Variants in RPE observed in about 807,000 individuals in gnomAD.
RPE encodes ribulose-phosphate 3-epimerase.
Under a neutral mutation model 24.6 loss-of-function variants are expected in RPE, and 16 were observed. That is an observed-to-expected ratio of 0.65 (90% CI 0.44 to 0.99). The LOEUF is 0.99. RPE is among the 50% of genes least tolerant of loss of function. The pLI is 0.00. For missense variants in RPE, 240 were observed against 294.5 expected (o/e 0.81, Z 1.35); for synonymous variants, 93 against 98.4 (o/e 0.94, Z 0.33).
At chr2:210,003,190 C>T (rs1044736089) in intron 1 of RPE, among the ~76,000 whole-genome samples, 31 of 152,324 alleles carry the variant, frequency 2.0e-4, no homozygotes, top group African/African-American at 7.2e-4. Flanking sequence ...TTTAAGTTGG[C>T]ACCTGCGGTT....
At chr2:210,019,536 C>G in intron 5 of RPE, 133 bp from the exon 6 acceptor site, 1 of 1,076,922 alleles carries the variant, frequency 9.3e-7, no homozygotes, top group Non-Finnish European at 1.3e-6. Context: ...CTTAAGTCTG[C>G]TTAATCTCAA....
intron 2 of RPE, among the ~76,000 whole-genome samples, chr2:210,015,479 A>G (rs2093758661): frequency 6.6e-6 from 1 of 152,100 alleles, no homozygotes; most frequent in Non-Finnish European, 1.5e-5. Context: ...TATTTTGTTT[A>G]TTGTTTGACT....
intron 3 of RPE, 84 bp from the exon 4 acceptor site, chr2:210,016,421 GAT>G: frequency 6.3e-7 from 1 of 1,589,908 alleles, no homozygotes; most frequent in Middle Eastern, 1.8e-4. Flanking sequence ...AATAAGAACA[GAT>G]ATTTCTACTG....
chr2:210,016,520 T>C lies in RPE; in HGVS notation c.356T>C (p.Ile119Thr). 1 of 1,614,262 alleles carries C rather than the reference T, an allele frequency of 6.2e-7. No homozygotes were observed. The highest frequency in any genetic ancestry group is 8.5e-7 in the Non-Finnish European group (1 of 1,180,044). Residue 119 changes from isoleucine (I) to threonine (T), a missense_variant, in exon 4 of 6, where the codon ATC becomes ACC. Ile to Thr is a moderately conservative substitution (Grantham distance 89). Coordinates refer to ENST00000359429, the MANE Select transcript of RPE (RefSeq NM_199229.3). ...TGTCTGTTACAGGTTGGCCTTGCCA[T>C]CAAACCAGGAACCTCAGTTGAGTAT... is the stretch of plus-strand genomic sequence containing the variant. The part of the protein sequence containing the change: ...RENGMKVGLA[I>T]KPGTSVEYLA...
chr2:210,016,076 G>A lies in RPE; in HGVS notation c.306G>A (p.Gly102=). The A allele has an allele frequency of 6.2e-7, 1 of 1,614,204 alleles. No homozygotes were observed. The highest frequency in any genetic ancestry group is 1.1e-5 in the South Asian group (1 of 91,080). Residue 102 remains glycine, a synonymous_variant, in exon 3 of 6, where the codon GGG becomes GGA. Coordinates refer to ENST00000359429, the MANE Select transcript of RPE (RefSeq NM_199229.3). ...TFHLEATENP[G]ALIKDIRENG... ...ATCTCGAGGCTACTGAGAACCCAGG[G>A]GCTTTGATTAAAGACATTCGGGAGA...
At position 210,016,516 on chromosome 2, in the gene RPE, G is replaced by A. The variant is rs1367366888; in HGVS notation, c.352G>A (p.Ala118Thr). 6.2e-7 allele frequency: 1 copy of A among 1,614,252 alleles called. No individual in the cohort carries two copies. The highest frequency in any genetic ancestry group is 1.1e-5 in the South Asian group (1 of 91,086). ...TTTGTGTCTGTTACAGGTTGGCCTT[G>A]CCATCAAACCAGGAACCTCAGTTGA... ...IRENGMKVGL[A>T]IKPGTSVEYL... The change falls in exon 4 of 6, where the codon GCC becomes ACC. Residue 118 changes from alanine (A) to threonine (T), a missense_variant. Coordinates refer to ENST00000359429, the MANE Select transcript of RPE (RefSeq NM_199229.3).
intron 1 of RPE, among the ~76,000 whole-genome samples, chr2:210,007,556 T>C (rs1389178146): frequency 6.6e-6 from 1 of 152,228 alleles, no homozygotes; most frequent in Non-Finnish European, 1.5e-5. Context: ...ATCTTTTTTT[T>C]ACACTAGCCA....
chr2:210,018,411 C>G (rs1304846249), intron 5 of RPE: 1 of 962,092 alleles, frequency 1.0e-6, no homozygotes, highest in East Asian at 1.2e-4. Context: ...TTTTTTTTTT[C>G]AGATAGCTAG....
chr2:210,006,966 T>C (rs2093639162), intron 1 of RPE, among the ~76,000 whole-genome samples: 1 of 152,228 alleles, frequency 6.6e-6, no homozygotes, highest in Non-Finnish European at 1.5e-5. Flanking sequence ...GAATCTCTTC[T>C]CCGCTAGACT....
chr2:210,014,562 G>A (rs1161409811), intron 2 of RPE, among the ~76,000 whole-genome samples: 3 of 151,916 alleles, frequency 2.0e-5, no homozygotes, highest in Non-Finnish European at 1.5e-5. Context: ...GGAAGCCAGC[G>A]TCAGAGGATC....
intron 2 of RPE, among the ~76,000 whole-genome samples, chr2:210,012,304 C>G (rs910993209): frequency 2.0e-5 from 3 of 152,100 alleles, no homozygotes; most frequent in African/African-American, 7.2e-5. Context: ...AATTATTTGC[C>G]ATTATTTCTA....
intron 1 of RPE, among the ~76,000 whole-genome samples, chr2:210,008,842 C>T (rs2093665378): frequency 1.3e-5 from 2 of 152,024 alleles, no homozygotes; most frequent in South Asian, 4.1e-4. Flanking sequence ...ATTACAGGTG[C>T]ATGCCACCAC....
intron 2 of RPE, among the ~76,000 whole-genome samples, chr2:210,013,001 G>C (rs1256888561): frequency 6.6e-6 from 1 of 152,132 alleles, no homozygotes; most frequent in Non-Finnish European, 1.5e-5. Context: ...TCATTGATAG[G>C]GTTTACAGAG....
rs2093838286 is a variant in RPE at position 210,020,108 on chromosome 2, A to G, written c.*317A>G. ...GTGTCTTAATGTCTAAGGAGGGCAT[A>G]TTAGCTACACTACAAAAACAAATTT... On this transcript the variant is annotated 3_prime_UTR_variant, in exon 6 of 6. Coordinates refer to ENST00000359429, the MANE Select transcript of RPE (RefSeq NM_199229.3). The G allele has an allele frequency of 1.1e-5, 2 of 188,034 alleles. No homozygotes were observed. Among genetic ancestry groups the G allele is most frequent in the Admixed American group, 6.3e-5 (1 of 16,000 alleles). The allele number at this position is 188,034 out of a possible 1,614,324, so 11.6% of individuals were successfully genotyped here.
Position 210,002,714 on chromosome 2 carries a change from A to G in RPE, c.53A>G (p.Asn18Ser), listed in dbSNP as rs768282571. ...GPSILNSDLANLGAECLRMLD... is the reference protein window; with the variant it reads ...GPSILNSDLASLGAECLRMLD... ...TCCATCCTCAACAGCGACCTGGCCAATTTAGGGGCCGAGTGCCTCCGGATG... is the reference window on the plus strand; with the variant it reads ...TCCATCCTCAACAGCGACCTGGCCAGTTTAGGGGCCGAGTGCCTCCGGATG... Residue 18 changes from asparagine to serine, a missense_variant, in exon 1 of 6, where the codon AAT (asparagine) becomes AGT (serine). Coordinates refer to ENST00000359429, the MANE Select transcript of RPE (RefSeq NM_199229.3). 1.3e-5 allele frequency: 21 copies of G among 1,614,150 alleles called. No individual in the cohort carries two copies. The Middle Eastern group carries it at 6.6e-4, about 51-fold the overall frequency.
At chr2:210,012,431 AAG>A (rs2093713084) in intron 2 of RPE, among the ~76,000 whole-genome samples, 1 of 152,246 alleles carries the variant, frequency 6.6e-6, no homozygotes, top group Admixed American at 6.5e-5. Context: ...ATCCTTGATG[AAG>A]CAGTAGAAAT....
chr2:210,021,239 G>T lies in RPE; in HGVS notation c.*1448G>T, dbSNP rs2093850505. ...GACCAATATCAATAGACTTCTTGAGGCTACTATAAGTTTTGAGAAATAAGG... is the reference window on the plus strand; with the variant it reads ...GACCAATATCAATAGACTTCTTGAGTCTACTATAAGTTTTGAGAAATAAGG... On this transcript the variant is annotated 3_prime_UTR_variant, in exon 6 of 6. Coordinates refer to ENST00000359429, the MANE Select transcript of RPE (RefSeq NM_199229.3). 6.6e-6 allele frequency: 1 copy of T among 151,998 alleles called. No homozygotes were observed. Among genetic ancestry groups the T allele is most frequent in the South Asian group, 2.1e-4 (1 of 4,834 alleles). The allele number at this position is 151,998 out of a possible 1,614,324, so 9.4% of individuals were successfully genotyped here.
intron 1 of RPE, among the ~76,000 whole-genome samples, chr2:210,006,757 C>A (rs541379345): frequency 1.3e-5 from 2 of 152,140 alleles, no homozygotes; most frequent in African/African-American, 4.8e-5. Flanking sequence ...CTTCTGTGAC[C>A]CTTATTTCAA....
At chr2:210,010,418 GTTAT>G (rs980978335) in intron 2 of RPE, among the ~76,000 whole-genome samples, 7 of 152,052 alleles carry the variant, frequency 4.6e-5, no homozygotes, top group African/African-American at 7.2e-5. Context: ...TATAAATAGT[GTTAT>G]TTATTTTTTT....
Sources: gnomAD v4.1 joint callset for allele counts (sites outside exome capture counted in the v4.1 genomes callset) on GRCh38, gnomAD v4.1.1 for gene constraint, MANE v1.5 for transcripts, NCBI Gene and HGNC (gene_info 2026-07-23, HGNC 2026-07-21) for gene names.